The following SERINC2 variants were observed in gnomAD, a reference collection of about 807,000 sequenced individuals.
SERINC2 encodes the protein tumor differentially expressed protein 2.
A neutral mutation model predicts 54.2 loss-of-function variants in SERINC2; 56 were observed. The ratio of observed to expected loss-of-function variants is 1.03; its 90% CI spans 0.83 to 1.29. The LOEUF (loss-of-function observed/expected upper bound fraction) is 1.29, where lower values mean the gene tolerates loss of function less well. Among genes scored for constraint, SERINC2 ranks in the 50% most tolerant of loss-of-function variants. SERINC2 has a pLI of 0.00. For synonymous variants in SERINC2, 272 were observed against 253.1 expected, an observed-to-expected ratio of 1.07 and a Z score of -0.71; for missense variants, 614 against 607.4, an observed-to-expected ratio of 1.01 and a Z score of -0.12.
At position 31,433,131 on chromosome 1, in the gene SERINC2, T is replaced by C; in HGVS notation, c.1178T>C (p.Phe393Ser). The C allele has an allele frequency of 6.2e-7, 1 of 1,613,788 alleles. No individual in the cohort carries two copies. The highest frequency in any genetic ancestry group is 1.1e-5 in the South Asian group (1 of 91,086). Residue 393 changes from phenylalanine (F) to serine (S), a missense_variant, in exon 9 of 10, where the codon TTC becomes TCC. Phe to Ser is a radical substitution (Grantham distance 155). Coordinates refer to ENST00000373709, the MANE Select transcript of SERINC2 (RefSeq NM_178865.5). ...GVTYSYSFFHFCLVLASLHVM... is the reference protein window; with the variant it reads ...GVTYSYSFFHSCLVLASLHVM... ...ACCTACAGCTACTCCTTCTTCCACTTCTGCCTGGTGCTGGCCTCACTGCAC... is the reference window on the plus strand; with the variant it reads ...ACCTACAGCTACTCCTTCTTCCACTCCTGCCTGGTGCTGGCCTCACTGCAC...
Position 31,434,331 on chromosome 1 carries a change from GC to G in SERINC2, c.*136del. ...CACCCCTGCCCCAGCTCCAGGACCT[GC>G]CCCTGAGCCGGGCCTTCTAGTCGTA... On this transcript the variant is annotated 3_prime_UTR_variant, in exon 10 of 10. Coordinates refer to ENST00000373709, the MANE Select transcript of SERINC2 (RefSeq NM_178865.5). 1.1e-6 allele frequency: 1 copy of G among 936,890 alleles called. No homozygotes were observed. Among genetic ancestry groups the G allele is most frequent in the Non-Finnish European group, 1.6e-6 (1 of 623,002 alleles). The allele number at this position is 936,890 out of a possible 1,614,324, so 58.0% of individuals were successfully genotyped here.
chr1:31,414,005 G>C (rs1553131850), intron 1 of SERINC2: 2 of 1,528,118 alleles, frequency 1.3e-6, no homozygotes, highest in East Asian at 2.6e-5. Flanking sequence ...CCCCAGCGCG[G>C]AGACTGGGAT....
rs573655758 is a variant in SERINC2, at chr1:31,413,867, C to T, written c.39+563C>T. 1.2e-5 allele frequency: 17 copies of T among 1,434,500 alleles called. No homozygotes were observed. The African/African-American group carries it at 2.3e-4, about 20-fold the overall frequency. The allele number at this position is 1,434,500 out of a possible 1,614,324, so 88.9% of individuals were successfully genotyped here. ...CGTTCGTCCGACTGTCTTTGTCCGT[C>T]TGCTGTCTTCTGTCCGTCTGCCCGT... On this transcript the variant is annotated intron_variant, in intron 1 of 9. Coordinates refer to ENST00000373709, the MANE Select transcript of SERINC2 (RefSeq NM_178865.5). This position sits in a 1 kb window ranked among gnomAD's most constrained non-coding sequence, Gnocchi z 5.0.
At chr1:31,410,111 T>C, upstream of SERINC2, 1 of 1,331,878 alleles carries the variant, frequency 7.5e-7, no homozygotes, top group Non-Finnish European at 9.9e-7. Flanking sequence ...TAGCATTGGG[T>C]GGAGAAGCTG....
intron 4 of SERINC2, 130 bp downstream of exon 4, chr1:31,425,539 C>G (rs1160164726): frequency 2.2e-6 from 2 of 893,588 alleles, no homozygotes; most frequent in African/African-American, 3.2e-5. Flanking sequence ...TCCTCGCTCC[C>G]CACCCGTGAG....
intron 6 of SERINC2, among the ~76,000 whole-genome samples, chr1:31,428,712 AAG>A (rs1418514644): frequency 6.6e-6 from 1 of 152,042 alleles, no homozygotes; most frequent in Non-Finnish European, 1.5e-5. Flanking sequence ...GGTGGAGATG[AAG>A]GAATTCAGTG....
intron 1 of SERINC2, chr1:31,414,004 G>A: frequency 1.3e-6 from 2 of 1,527,880 alleles, no homozygotes; most frequent in Non-Finnish European, 8.7e-7. Flanking sequence ...GCCCCAGCGC[G>A]GAGACTGGGA....
In SERINC2 at chr1:31,432,074, ACAGGGTGGT is replaced by A. The variant is rs201402650; in HGVS notation, c.1014-892_1014-884del. On this transcript the variant is annotated intron_variant, in intron 8 of 9. Transcript: ENST00000373709. Reference sequence around the variant, plus strand: ...AGGGTGGACAGGGTGGACAGGGTGGACAGGGTGGTTAGGGTGGACAGGGTGGACAGGGTG... The same window carrying A: ...AGGGTGGACAGGGTGGACAGGGTGGATAGGGTGGACAGGGTGGACAGGGTG... Among the ~76,000 whole-genome samples the A allele has an allele frequency of 4.0e-3, 481 of 121,636 alleles. 12 individuals carry two copies. The highest frequency in any genetic ancestry group is 4.4e-3 in the Non-Finnish European group (266 of 59,840). 79.8% of individuals were successfully genotyped at this position (121,636 alleles called of 152,430 possible).
upstream of SERINC2, among the ~76,000 whole-genome samples, chr1:31,411,556 G>A (rs1465363816): frequency 1.1e-4 from 17 of 152,164 alleles, no homozygotes; most frequent in African/African-American, 4.1e-4. Flanking sequence ...CATATTGTTT[G>A]GAGGCTTGGG....
At chr1:31,420,054 A>G (rs570555583) in intron 1 of SERINC2, among the ~76,000 whole-genome samples, 3 of 152,296 alleles carry the variant, frequency 2.0e-5, no homozygotes, top group East Asian at 1.9e-4. Flanking sequence ...CAGTGCCACA[A>G]TGAATTTCCA....
At chr1:31,419,533 A>G (rs1285469822) in intron 1 of SERINC2, among the ~76,000 whole-genome samples, 3 of 152,044 alleles carry the variant, frequency 2.0e-5, no homozygotes, top group Admixed American at 6.6e-5. Context: ...GTTATTTTCA[A>G]TTTTCCCCTA....
chr1:31,418,339 G>A (rs1381377797), intron 1 of SERINC2, among the ~76,000 whole-genome samples: 1 of 151,722 alleles, frequency 6.6e-6, no homozygotes, highest in Non-Finnish European at 1.5e-5. Context: ...CATTTCTTTT[G>A]GATATATATC....
Position 31,426,705 on chromosome 1 carries a change from C to G in SERINC2, c.662C>G (p.Ala221Gly). Residue 221 changes from alanine to glycine, a missense_variant, in exon 6 of 10, where the codon GCG becomes GGG. Coordinates refer to ENST00000373709, the MANE Select transcript of SERINC2 (RefSeq NM_178865.5). ...LFYLLSIAAV[A>G]LMFMYYTEPS... ...TACTTGCTGTCGATCGCGGCCGTGG[C>G]GCTGATGTTCATGTACTACACTGAG... is the stretch of plus-strand genomic sequence containing the variant. 1 of 1,613,754 alleles carries G rather than the reference C, an allele frequency of 6.2e-7. No homozygotes were observed. Among genetic ancestry groups the G allele is most frequent in the Non-Finnish European group, 8.5e-7 (1 of 1,179,706 alleles).
chr1:31,413,726 C>G lies in SERINC2; in HGVS notation c.39+422C>G. On this transcript the variant is annotated intron_variant, in intron 1 of 9. Coordinates refer to ENST00000373709, the MANE Select transcript of SERINC2 (RefSeq NM_178865.5). This position sits in a 1 kb window ranked among gnomAD's most constrained non-coding sequence, Gnocchi z 5.0. ...TTCTCTGTGTAGGTCGCCCGGGCCC[C>G]GTCCCTCCTGGCGAGTGCCCTGCCC... The G allele has an allele frequency of 2.3e-6, 3 of 1,320,166 alleles. No individual in the cohort carries two copies. The highest frequency in any genetic ancestry group is 2.9e-6 in the Non-Finnish European group (3 of 1,037,954). 81.8% of individuals were successfully genotyped at this position (1,320,166 alleles called of 1,614,324 possible). A position where few individuals can be genotyped will look rare whatever the true frequency, so the allele number is the denominator to read the frequency against.
chr1:31,432,646 T>C (rs1395223403), intron 8 of SERINC2, among the ~76,000 whole-genome samples: 3 of 152,160 alleles, frequency 2.0e-5, no homozygotes, highest in Non-Finnish European at 4.4e-5. Flanking sequence ...GTTGATTGAA[T>C]TTATATTCTG....
intron 6 of SERINC2, among the ~76,000 whole-genome samples, chr1:31,427,557 C>A (rs1272691176): frequency 6.6e-6 from 1 of 152,124 alleles, no homozygotes; most frequent in Non-Finnish European, 1.5e-5. Context: ...CCAGCAAATA[C>A]CTCTTGAGCA....
chr1:31,433,274 G>A, intron 9 of SERINC2, 89 bp downstream of exon 9: 2 of 1,140,068 alleles, frequency 1.8e-6, no homozygotes. Flanking sequence ...GGGTTTTCCT[G>A]ATGTCTGCTT....
Position 31,423,754 on chromosome 1 carries a change from A to C in SERINC2, c.101A>C (p.Asn34Thr). 6.2e-7 allele frequency: 1 copy of C among 1,613,226 alleles called. No individual in the cohort carries two copies. The highest frequency in any genetic ancestry group is 1.7e-5 in the Admixed American group (1 of 59,994). ...ILCSCCPASRNSTVSRLIFTF... is the reference protein window; with the variant it reads ...ILCSCCPASRTSTVSRLIFTF... ...TGCAGCTGCTGCCCCGCCAGCCGCAACTCCACCGTGAGCCGCCTCATCTTC... is the reference window on the plus strand; with the variant it reads ...TGCAGCTGCTGCCCCGCCAGCCGCACCTCCACCGTGAGCCGCCTCATCTTC... The change falls in exon 2 of 10, where the codon AAC (asparagine) becomes ACC (threonine). Residue 34 changes from asparagine (N) to threonine (T), a missense_variant. Transcript: ENST00000373709.
At chr1:31,432,185 G>C in intron 8 of SERINC2, among the ~76,000 whole-genome samples, 1 of 150,042 alleles carries the variant, frequency 6.7e-6, no homozygotes, top group Non-Finnish European at 1.5e-5. Flanking sequence ...AGGGTGGATA[G>C]GGTGGTTAGA....
Sources: gnomAD v4.1 joint callset for allele counts (sites outside exome capture counted in the v4.1 genomes callset) on GRCh38, gnomAD v4.1.1 for gene constraint, Gnocchi (gnomAD v3.1) non-coding constraint, MANE v1.5 for transcripts, NCBI Gene and HGNC (gene_info 2026-07-23, HGNC 2026-07-21) for gene names.